Variants in MYO1F observed in about 807,000 individuals in gnomAD.
MYO1F encodes myosin IF.
MYO1F carries 60 observed loss-of-function variants against 146.6 expected under a neutral mutation model. That is an observed-to-expected ratio of 0.41 (90% CI 0.33 to 0.51). MYO1F has a LOEUF of 0.51. MYO1F is among the 20% of genes least tolerant of loss of function. The pLI is 0.25. For missense variants in MYO1F, 1,274 were observed against 1,534.3 expected (o/e 0.83, Z 2.83); for synonymous variants, 602 against 602.1 (o/e 1.00, Z 0.00).
chr19:8,525,239 C>G, intron 25 of MYO1F: 1 of 413,900 alleles, frequency 2.4e-6, no homozygotes, highest in Non-Finnish European at 4.4e-6. Flanking sequence ...GTTTACAGGG[C>G]AGGAGTGTAG....
chr19:8,555,714 G>A lies in MYO1F; in HGVS notation c.86C>T (p.Thr29Ile). 6.2e-7 allele frequency: 1 copy of A among 1,614,158 alleles called. No individual in the cohort carries two copies. The highest frequency in any genetic ancestry group is 8.5e-7 in the Non-Finnish European group (1 of 1,180,032). Residue 29 changes from threonine (T) to isoleucine (I), a missense_variant, in exon 2 of 28, where the codon ACC becomes ATC. Coordinates refer to ENST00000644032, the MANE Select transcript of MYO1F (RefSeq NM_012335.4). ...GAGGTTGGCGGCAATGGCGTCTTCGGTGATCTGGGGAAGAAGCACCATGTC... is the reference window on the plus strand; with the variant it reads ...GAGGTTGGCGGCAATGGCGTCTTCGATGATCTGGGGAAGAAGCACCATGTC... ...VDDMVLLPQI[T>I]EDAIAANLRK...
intron 13 of MYO1F, 71 bp downstream of exon 13, chr19:8,545,579 T>C: frequency 8.6e-6 from 11 of 1,285,538 alleles, no homozygotes; most frequent in Non-Finnish European, 1.2e-5. Context: ...CCCTTGGCCC[T>C]CCCCCTCATC....
Position 8,520,940 on chromosome 19 carries a change from T to C in MYO1F, c.*588A>G. On this transcript the variant is annotated 3_prime_UTR_variant, in exon 28 of 28. Coordinates refer to ENST00000644032, the MANE Select transcript of MYO1F (RefSeq NM_012335.4). The stretch of plus-strand genomic sequence containing the variant: ...GCGCCCAGCCCAAACTGGGACAAAT[T>C]CAAGCTTTATGGTCACATATGAATG... 1 of 162,710 alleles carries C rather than the reference T, an allele frequency of 6.1e-6. No individual in the cohort carries two copies. Among genetic ancestry groups the C allele is most frequent in the Non-Finnish European group, 1.4e-5 (1 of 73,950 alleles). 10.1% of individuals were successfully genotyped at this position (162,710 alleles called of 1,614,324 possible).
At chr19:8,569,094 C>T (rs2145978288) in intron 1 of MYO1F, among the ~76,000 whole-genome samples, 1 of 152,208 alleles carries the variant, frequency 6.6e-6, no homozygotes, top group South Asian at 2.1e-4. Context: ...TCAATACATA[C>T]TTGTTGAATG....
chr19:8,524,346 G>C (rs568904371), intron 25 of MYO1F, among the ~76,000 whole-genome samples: 15 of 149,590 alleles, frequency 1.0e-4, no homozygotes, highest in Non-Finnish European at 1.8e-4. Flanking sequence ...AACCCAGAAG[G>C]TGGAAAGTTG....
At chr19:8,567,107 G>A (rs2042019195) in intron 1 of MYO1F, among the ~76,000 whole-genome samples, 1 of 149,604 alleles carries the variant, frequency 6.7e-6, no homozygotes, top group Admixed American at 6.7e-5. Flanking sequence ...TGTCGCCCAG[G>A]CTGGAATGCA....
At chr19:8,556,331 CTT>C (rs995749744) in intron 1 of MYO1F, among the ~76,000 whole-genome samples, 1 of 142,976 alleles carries the variant, frequency 7.0e-6, no homozygotes, top group Admixed American at 7.0e-5. Flanking sequence ...CACCCGGCCT[CTT>C]TTTTTTTTAA....
In MYO1F at chr19:8,521,183, C is replaced by T; in HGVS notation, c.*345G>A. ...AAGTCACGCTTGTTAAGGACCCCCC[C>T]CTCCCCAACTGTGCCTGGCACTTTG... is the stretch of plus-strand genomic sequence containing the variant. On this transcript the variant is annotated 3_prime_UTR_variant, in exon 28 of 28. Transcript: ENST00000644032. 5.2e-6 allele frequency: 2 copies of T among 385,246 alleles called. No homozygotes were observed. The highest frequency in any genetic ancestry group is 3.7e-5 in the Admixed American group (1 of 26,764). The allele number at this position is 385,246 out of a possible 1,614,324, so 23.9% of individuals were successfully genotyped here. A position where few individuals can be genotyped will look rare whatever the true frequency, so the allele number is the denominator to read the frequency against.
intron 14 of MYO1F, among the ~76,000 whole-genome samples, chr19:8,543,669 GTGGTGC>G (rs1973086095): frequency 1.1e-4 from 7 of 64,078 alleles, no homozygotes; most frequent in South Asian, 6.8e-4. Context: ...GGTGGTGGTG[GTGGTGC>G]TGGTGGTGGT....
At chr19:8,572,601 AAT>A (rs1456429120) in intron 1 of MYO1F, among the ~76,000 whole-genome samples, 18 of 151,636 alleles carry the variant, frequency 1.2e-4, no homozygotes, top group African/African-American at 4.4e-4. Context: ...CTTTCTCCTA[AAT>A]TCCTTTTGAC....
At chr19:8,521,687 G>A in intron 27 of MYO1F, 83 bp from the exon 28 acceptor site, 1 of 1,287,606 alleles carries the variant, frequency 7.8e-7, no homozygotes, top group Admixed American at 1.8e-5. Flanking sequence ...CTTGTTCATG[G>A]GGACTCCCTA....
Position 8,541,949 on chromosome 19 carries a change from C to A in MYO1F, c.1567G>T (p.Val523Phe). Reference sequence around the variant, plus strand: ...AGCTCTATGAGGTCGGAGAAGAGAACGTCTCGGTTCCTCTCGCAGAAGCCG... The same window carrying A: ...AGCTCTATGAGGTCGGAGAAGAGAAAGTCTCGGTTCCTCTCGCAGAAGCCG... ...VSGFCERNRD[V>F]LFSDLIELMQ... Residue 523 changes from valine (V) to phenylalanine (F), a missense_variant, in exon 15 of 28, where the codon GTT becomes TTT. Val to Phe is a conservative substitution (Grantham distance 50, BLOSUM62 -1). Coordinates refer to ENST00000644032, the MANE Select transcript of MYO1F (RefSeq NM_012335.4). The A allele has an allele frequency of 1.2e-6, 2 of 1,613,518 alleles. No individual in the cohort carries two copies. The highest frequency in any genetic ancestry group is 1.7e-6 in the Non-Finnish European group (2 of 1,179,994).
At chr19:8,541,614 A>C (rs1454946753) in intron 15 of MYO1F, 5 of 417,256 alleles carry the variant, frequency 1.2e-5, no homozygotes, top group Non-Finnish European at 2.2e-5. Context: ...ATTTTAGTAG[A>C]GACAAGGTTT....
At chr19:8,549,979 T>C in intron 10 of MYO1F, 181 bp downstream of exon 10, 1 of 697,590 alleles carries the variant, frequency 1.4e-6, no homozygotes, top group Non-Finnish European at 2.5e-6. Flanking sequence ...TTGAAATTTC[T>C]GTAGAGATGG....
rs56328846 is a variant in MYO1F at position 8,537,084 on chromosome 19, G to C, written c.1693-29C>G. On this transcript the variant is annotated intron_variant, in intron 16 of 27. Coordinates refer to ENST00000644032, the MANE Select transcript of MYO1F (RefSeq NM_012335.4). The stretch of plus-strand genomic sequence containing the variant: ...AGGCAGAAGTGAAGACGGGTGGGTG[G>C]GGGGCACAGAGATGGGACCCTCTGG... 0.015 allele frequency: 21,976 copies of C among 1,495,720 alleles called. 217 individuals carry two copies. The highest frequency in any genetic ancestry group is 0.017 in the Non-Finnish European group (18,744 of 1,079,696). 92.7% of individuals were successfully genotyped at this position (1,495,720 alleles called of 1,614,324 possible).
In MYO1F at chr19:8,571,423, T is replaced by C. The variant is rs7246812; in HGVS notation, c.3+5884A>G. 1.1e-4 allele frequency among the ~76,000 whole-genome samples: 14 copies of C among 127,414 alleles called. No homozygotes were observed. In the East Asian group the frequency reaches 1.6e-3, roughly 14 times the overall value. 83.6% of individuals were successfully genotyped at this position (127,414 alleles called of 152,430 possible). On this transcript the variant is annotated intron_variant, in intron 1 of 27. Transcript: ENST00000644032. ...TCTTTTCTTTTCTCTCTCTCTCTCT[T>C]TTTTTTTTTTAGATGGAATCTCACT...
In MYO1F at chr19:8,530,408, C is replaced by T. The variant is rs752241536; in HGVS notation, c.2159-43G>A. 6.2e-7 allele frequency: 1 copy of T among 1,613,886 alleles called. No individual in the cohort carries two copies. The highest frequency in any genetic ancestry group is 8.5e-7 in the Non-Finnish European group (1 of 1,179,996). ...GGAGGGCAGAGCTCCTGATACAGCT[C>T]CTCCAGGTCCTTGTGCCCCCACCCC... On this transcript the variant is annotated intron_variant, in intron 20 of 27. Coordinates refer to ENST00000644032, the MANE Select transcript of MYO1F (RefSeq NM_012335.4). This position sits in a 1 kb window ranked among gnomAD's most constrained non-coding sequence, Gnocchi z 5.8.
chr19:8,528,844 G>T (rs1469910359), intron 21 of MYO1F, among the ~76,000 whole-genome samples: 1 of 152,122 alleles, frequency 6.6e-6, no homozygotes, highest in African/African-American at 2.4e-5. Flanking sequence ...GAGCGGGTGT[G>T]TATCTGAACT....
chr19:8,553,894 A>ACACACACACACACACTCTCTCTCTCTCT, intron 4 of MYO1F, among the ~76,000 whole-genome samples: 5 of 102,598 alleles, frequency 4.9e-5, no homozygotes, highest in Non-Finnish European at 9.5e-5. Flanking sequence ...ACACACACAC[A>ACACACACACACACACTCTCTCTCTCTCT]CTCTCTCTCT....
Sources: allele counts gnomAD v4.1 joint callset (sites outside exome capture counted in the v4.1 genomes callset), GRCh38; gene constraint gnomAD v4.1.1; non-coding constraint Gnocchi (gnomAD v3.1); transcripts MANE v1.5; gene names NCBI Gene and HGNC (gene_info 2026-07-23, HGNC 2026-07-21).